The following ADGB variants were observed in gnomAD, a reference collection of about 807,000 sequenced individuals.
ADGB encodes the protein androglobin, also known as calpain-7-like protein.
In ADGB, 172 loss-of-function variants were observed where a neutral mutation model predicts 210.5. The ratio of observed to expected loss-of-function variants is 0.82; its 90% CI spans 0.72 to 0.93. The LOEUF (loss-of-function observed/expected upper bound fraction) is 0.93. Among genes scored for constraint, ADGB ranks in the 40% least tolerant of loss-of-function variants. ADGB has a pLI of 0.00. For missense variants in ADGB, 2,025 were observed against 1,964.8 expected (o/e 1.03, Z -0.58); for synonymous variants, 658 against 662.7 (o/e 0.99, Z 0.11).
At chr6:146,801,764 A>G in intron 34 of ADGB, 64 bp from the exon 35 acceptor site, 1 of 1,375,984 alleles carries the variant, frequency 7.3e-7, no homozygotes. Flanking sequence ...TTTGATGTCT[A>G]AAGTGAAGCT....
At chr6:146,613,588 T>C (rs1780743224) in intron 1 of ADGB, among the ~76,000 whole-genome samples, 1 of 152,162 alleles carries the variant, frequency 6.6e-6, no homozygotes, top group Non-Finnish European at 1.5e-5. Flanking sequence ...CTTACTTCCA[T>C]GAAATAATCT....
intron 26 of ADGB, among the ~76,000 whole-genome samples, chr6:146,750,582 T>G (rs1169621039): frequency 6.6e-6 from 1 of 152,070 alleles, no homozygotes; most frequent in African/African-American, 2.4e-5. Context: ...TCTTTTAGTG[T>G]CGTCATATAT....
chr6:146,635,561 G>A, intron 2 of ADGB, 24 bp downstream of exon 2: 1 of 1,463,212 alleles, frequency 6.8e-7, no homozygotes, highest in East Asian at 2.6e-5. Context: ...AATGTGACTA[G>A]GTTTCATTTT....
At chr6:146,674,259 G>A (rs1431245498) in intron 8 of ADGB, among the ~76,000 whole-genome samples, 1 of 152,134 alleles carries the variant, frequency 6.6e-6, no homozygotes, top group Non-Finnish European at 1.5e-5. Flanking sequence ...TGAGAAGCTT[G>A]TCCTTGAAGA....
At chr6:146,784,018 A>T (rs1360080641) in intron 30 of ADGB, among the ~76,000 whole-genome samples, 1 of 152,212 alleles carries the variant, frequency 6.6e-6, no homozygotes, top group Non-Finnish European at 1.5e-5. Flanking sequence ...TACAGTTTTA[A>T]GTAAAATTTG....
In ADGB at chr6:146,782,157, G is replaced by A. The variant is rs1258979016; in HGVS notation, c.4000G>A (p.Ala1334Thr). 2 of 1,539,336 alleles carry A rather than the reference G, an allele frequency of 1.3e-6. No homozygotes were observed. The highest frequency in any genetic ancestry group is 1.7e-6 in the Non-Finnish European group (2 of 1,143,284). ...KEKSSEKEKT[A>T]KEKQAPRFEP... ...AAAGTCTTCTGAGAAAGAAAAGACA[G>A]CCAAAGAAAAACAAGCACCTCGCTT... The change falls in exon 30 of 36, where the codon GCC becomes ACC. Residue 1334 changes from alanine (A) to threonine (T), a missense_variant. Coordinates refer to ENST00000397944, the MANE Select transcript of ADGB (RefSeq NM_024694.4).
At chr6:146,805,235 AC>A (rs1778194598) in intron 35 of ADGB, among the ~76,000 whole-genome samples, 1 of 152,198 alleles carries the variant, frequency 6.6e-6, no homozygotes, top group South Asian at 2.1e-4. Context: ...ATTTGCACTC[AC>A]ATTTCACTGA....
At chr6:146,687,692 A>ATGTGT (rs1483773967) in intron 10 of ADGB, among the ~76,000 whole-genome samples, 1 of 152,044 alleles carries the variant, frequency 6.6e-6, no homozygotes, top group Non-Finnish European at 1.5e-5. Flanking sequence ...CAATAGGTGC[A>ATGTGT]GCAAACCACC....
Position 146,644,800 on chromosome 6 carries a change from A to C in ADGB, c.265A>C (p.Ile89Leu). ...TTTTTTTGAGGACCCTGAAGGAAAGATTGAGTTACCACCATCCTTGAAAAT... is the reference window on the plus strand; with the variant it reads ...TTTTTTTGAGGACCCTGAAGGAAAGCTTGAGTTACCACCATCCTTGAAAAT... Reference protein sequence around the residue: ...FHFFEDPEGKIELPPSLKIYS... With the variant: ...FHFFEDPEGKLELPPSLKIYS... The change falls in exon 3 of 36, where the codon ATT (isoleucine) becomes CTT (leucine). Residue 89 changes from isoleucine to leucine, a missense_variant. Physicochemically the swap from Ile to Leu is conservative, Grantham distance 5. Coordinates refer to ENST00000397944, the MANE Select transcript of ADGB (RefSeq NM_024694.4). 6.7e-7 allele frequency: 1 copy of C among 1,488,566 alleles called. No homozygotes were observed. Among genetic ancestry groups the C allele is most frequent in the Non-Finnish European group, 8.9e-7 (1 of 1,118,074 alleles). The allele number at this position is 1,488,566 out of a possible 1,614,324, so 92.2% of individuals were successfully genotyped here.
Position 146,635,418 on chromosome 6 carries a change from C to T in ADGB, c.118C>T (p.Gln40Ter). ...TAATGTACAATCTGGTTCTACTGAA[C>T]AAAAGAAGGGGAAATTCCCACTCTG... The part of the protein sequence containing the change: ...GSNVQSGSTE[Q>*]KKGKFPLWPE... Residue 40 changes from glutamine (Q) to a stop codon, truncating the protein, a stop_gained, in exon 2 of 36, where the codon CAA becomes TAA. Coordinates refer to ENST00000397944, the MANE Select transcript of ADGB (RefSeq NM_024694.4). LOFTEE classifies it high-confidence loss of function. 6.5e-7 allele frequency: 1 copy of T among 1,545,810 alleles called. No individual in the cohort carries two copies. The highest frequency in any genetic ancestry group is 8.7e-7 in the Non-Finnish European group (1 of 1,143,960).
At chr6:146,757,104 T>C (rs1441451011) in intron 27 of ADGB, among the ~76,000 whole-genome samples, 2 of 152,140 alleles carry the variant, frequency 1.3e-5, no homozygotes, top group Non-Finnish European at 2.9e-5. Flanking sequence ...AGAAAACTCT[T>C]TGTATTATAT....
intron 3 of ADGB, among the ~76,000 whole-genome samples, chr6:146,648,178 A>G (rs1032661724): frequency 6.6e-6 from 1 of 152,034 alleles, no homozygotes; most frequent in African/African-American, 2.4e-5. Flanking sequence ...ATATACTTTC[A>G]TATTTATATA....
intron 1 of ADGB, among the ~76,000 whole-genome samples, chr6:146,608,618 A>G (rs1243884851): frequency 6.6e-6 from 1 of 152,148 alleles, no homozygotes; most frequent in Non-Finnish European, 1.5e-5. Context: ...TTCTGCCTTA[A>G]TTTCATTGCT....
chr6:146,704,057 T>C (rs573071210), intron 13 of ADGB, among the ~76,000 whole-genome samples: 183 of 152,124 alleles, frequency 1.2e-3, no homozygotes, highest in African/African-American at 4.3e-3. Context: ...CCTCTGATGA[T>C]TAGTGATGTT....
At chr6:146,742,351 A>G (rs1315826057) in intron 25 of ADGB, among the ~76,000 whole-genome samples, 1 of 151,804 alleles carries the variant, frequency 6.6e-6, no homozygotes, top group Non-Finnish European at 1.5e-5. Flanking sequence ...CATTTTTAAT[A>G]AGACAGATTT....
At chr6:146,792,524 C>G (rs1360472515) in intron 33 of ADGB, among the ~76,000 whole-genome samples, 1 of 151,952 alleles carries the variant, frequency 6.6e-6, no homozygotes. Context: ...TATACCAGCC[C>G]AGGGGCAGTC....
chr6:146,788,671 A>T, intron 33 of ADGB, 61 bp downstream of exon 33: 1 of 1,453,786 alleles, frequency 6.9e-7, no homozygotes, highest in Non-Finnish European at 9.4e-7. Flanking sequence ...TATGGAAAAG[A>T]TTTTAACTTA....
In ADGB at chr6:146,799,567, G is replaced by A. The variant is rs147076399; in HGVS notation, c.4538-1616G>A. On this transcript the variant is annotated intron_variant, in intron 33 of 35. Coordinates refer to ENST00000397944, the MANE Select transcript of ADGB (RefSeq NM_024694.4). ...AAAAAAAAAAAAGGAAGGAAGGAAG[G>A]AATGCAGGCAGGCAGGGAGGGAGAG... Among the ~76,000 whole-genome samples, 1,291 of 137,582 alleles carry A rather than the reference G, an allele frequency of 9.4e-3. 9 individuals carry two copies. Among genetic ancestry groups the A allele is most frequent in the Non-Finnish European group, 0.015 (945 of 63,690 alleles). The allele number at this position is 137,582 out of a possible 152,430, so 90.3% of individuals were successfully genotyped here. A position where few individuals can be genotyped will look rare whatever the true frequency, so the allele number is the denominator to read the frequency against.
At position 146,769,064 on chromosome 6, in the gene ADGB, G is replaced by T. The variant is rs1352162321; in HGVS notation, c.3795G>T (p.Trp1265Cys). 3.3e-6 allele frequency: 5 copies of T among 1,530,992 alleles called. No homozygotes were observed. Among genetic ancestry groups the T allele is most frequent in the Non-Finnish European group, 4.4e-6 (5 of 1,132,796 alleles). The allele number at this position is 1,530,992 out of a possible 1,614,324, so 94.8% of individuals were successfully genotyped here. ...IIQCSVLYNS[W>C]PLTESQLTFV... ...AGTGTTCGGTGTTGTATAACAGTTG[G>T]CCTCTCACTGAAAGCCAGCTGACAT... Residue 1265 changes from tryptophan to cysteine, a missense_variant, in exon 29 of 36, where the codon TGG (tryptophan) becomes TGT (cysteine). By Grantham distance (215) the Trp-to-Cys change is radical. Transcript: ENST00000397944.
Sources: gnomAD v4.1 joint callset for allele counts (sites outside exome capture counted in the v4.1 genomes callset) on GRCh38, gnomAD v4.1.1 for gene constraint, MANE v1.5 for transcripts, NCBI Gene and HGNC (gene_info 2026-07-23, HGNC 2026-07-21) for gene names.